SLC25A25: variants seen among roughly 807,000 people sequenced by gnomAD.
The protein encoded by SLC25A25 is solute carrier family 25 member 25, also known as mitochondrial adenyl nucleotide antiporter SLC25A25.
Under a neutral mutation model 57.7 loss-of-function variants are expected in SLC25A25, and 32 were observed. The ratio of observed to expected loss-of-function variants is 0.55; its 90% CI spans 0.42 to 0.74. SLC25A25 has a LOEUF of 0.74. Among genes scored for constraint, SLC25A25 ranks in the 30% least tolerant of loss-of-function variants. The pLI, the probability that SLC25A25 is intolerant of heterozygous loss-of-function variation, is 0.00. For missense variants in SLC25A25, 556 were observed against 701.3 expected, an observed-to-expected ratio of 0.79 and a Z score of 2.34; for synonymous variants, 306 against 291.2, an observed-to-expected ratio of 1.05 and a Z score of -0.52.
At chr9:128,087,076 A>G (rs1833292730) in intron 1 of SLC25A25, among the ~76,000 whole-genome samples, 1 of 151,810 alleles carries the variant, frequency 6.6e-6, no homozygotes, top group African/African-American at 2.4e-5. Flanking sequence ...TTAGCTGGGT[A>G]TGGTGGCGGG....
chr9:128,086,361 T>C (rs1833275204), intron 1 of SLC25A25, among the ~76,000 whole-genome samples: 2 of 143,038 alleles, frequency 1.4e-5, no homozygotes, highest in Non-Finnish European at 1.5e-5. Flanking sequence ...GAGACAGAGT[T>C]TTGCCCTTGT....
rs771156426 is a variant in SLC25A25, at chr9:128,107,100, C to G, written c.1284C>G (p.Ala428=). Reference sequence around the variant, plus strand: ...ACCCCGGCGTGTTTGTGCTCCTGGCCTGTGGCACCATGTCCAGTACCTGTG... The same window carrying G: ...ACCCCGGCGTGTTTGTGCTCCTGGCGTGTGGCACCATGTCCAGTACCTGTG... ...SADPGVFVLL[A]CGTMSSTCGQ... is the part of the protein sequence containing the mutation. The change falls in exon 10 of 11, where the codon GCC becomes GCG. Residue 428 remains alanine, a synonymous_variant. Transcript: ENST00000373069. 1 of 1,614,130 alleles carries G rather than the reference C, an allele frequency of 6.2e-7. No individual in the cohort carries two copies. Among genetic ancestry groups the G allele is most frequent in the South Asian group, 1.1e-5 (1 of 91,090 alleles).
chr9:128,105,587 A>G, intron 6 of SLC25A25, 142 bp from the exon 7 acceptor site: 1 of 1,270,488 alleles, frequency 7.9e-7, no homozygotes, highest in East Asian at 2.4e-5. Flanking sequence ...CTTTGGGCTC[A>G]TGATTCCAAG....
rs1394276396 is a variant in SLC25A25, at chr9:128,099,557, C to T, written c.262-1539C>T. Among the ~76,000 whole-genome samples, 1 of 152,232 alleles carries T rather than the reference C, an allele frequency of 6.6e-6. No homozygotes were observed. The highest frequency in any genetic ancestry group is 1.9e-4 in the East Asian group (1 of 5,198). On this transcript the variant is annotated intron_variant, in intron 1 of 10. Transcript: ENST00000373069. This position sits in a 1 kb window ranked among gnomAD's most constrained non-coding sequence, Gnocchi z 6.8. ...ATTCCTGTTAGAGATTTGGAGCAGT[C>T]ACCCTATAGGTGATTTATGTCACTC...
rs570424608 is a variant in SLC25A25 at position 128,103,443 on chromosome 9, C to T, written c.625-238C>T. On this transcript the variant is annotated intron_variant, in intron 5 of 10. Transcript: ENST00000373069. This position sits in a 1 kb window ranked among gnomAD's most constrained non-coding sequence, Gnocchi z 6.7. ...GAATGGTTTTCTAACCGGCACCTCC[C>T]GGCTGTGTTCAGCTGAGGTTCTATA... Among the ~76,000 whole-genome samples, 6 of 152,316 alleles carry T rather than the reference C, an allele frequency of 3.9e-5. No individual in the cohort carries two copies. In the South Asian group the frequency reaches 8.3e-4, roughly 21 times the overall value.
Position 128,101,285 on chromosome 9 carries a change from T to C in SLC25A25, c.389-24T>C. 3.1e-6 allele frequency: 5 copies of C among 1,614,220 alleles called. No homozygotes were observed. The highest frequency in any genetic ancestry group is 3.4e-6 in the Non-Finnish European group (4 of 1,180,014). ...CGGGCCTCCCCGTGCGCCTGGCTCC[T>C]GCTCACGGCCTCTGTTCTTGCAGGA... On this transcript the variant is annotated intron_variant, in intron 2 of 10. Coordinates refer to ENST00000373069, the MANE Select transcript of SLC25A25 (RefSeq NM_001330988.2). The surrounding 1 kb of genome is among the most constrained non-coding windows in gnomAD (Gnocchi z 4.9).
Position 128,102,395 on chromosome 9 carries a change from A to T in SLC25A25, c.538A>T (p.Ile180Phe). The stretch of plus-strand genomic sequence containing the variant: ...CATGGATAAAAACGGCACGATGACC[A>T]TTGACTGGAACGAGTGGAGAGACTA... ...TYMDKNGTMT[I>F]DWNEWRDYHL... Residue 180 changes from isoleucine to phenylalanine, a missense_variant, in exon 5 of 11, where the codon ATT becomes TTT. Physicochemically the swap from Ile to Phe is conservative, Grantham distance 21. This residue lies in a region of SLC25A25 where 248 missense variants were observed against 273.5 expected (regional missense o/e 0.91). Transcript: ENST00000373069. The surrounding 1 kb of genome is among the most constrained non-coding windows in gnomAD (Gnocchi z 4.1). The T allele has an allele frequency of 6.2e-7, 1 of 1,613,972 alleles. No homozygotes were observed. Among genetic ancestry groups the T allele is most frequent in the Non-Finnish European group, 8.5e-7 (1 of 1,179,958 alleles).
chr9:128,106,674 T>C (rs1834053818), intron 9 of SLC25A25, among the ~76,000 whole-genome samples, 154 bp downstream of exon 9: 1 of 152,148 alleles, frequency 6.6e-6, no homozygotes, highest in African/African-American at 2.4e-5. Flanking sequence ...TCCTTCACCC[T>C]GCCTGCCCCT....
chr9:128,069,943 A>T (rs1395607183), intron 1 of SLC25A25, among the ~76,000 whole-genome samples: 2 of 92,132 alleles, frequency 2.2e-5, no homozygotes, highest in African/African-American at 4.5e-5. Flanking sequence ...TTTTTGAGAG[A>T]GTCTCACTCT....
chr9:128,104,441 G>A (rs1014587151), intron 6 of SLC25A25, among the ~76,000 whole-genome samples: 9 of 152,288 alleles, frequency 5.9e-5, no homozygotes, highest in South Asian at 4.1e-4. Flanking sequence ...TCCCTGTGTT[G>A]CACAGAGACA....
chr9:128,102,234 C>T lies in SLC25A25; in HGVS notation c.512+119C>T. The T allele has an allele frequency of 2.1e-6, 3 of 1,414,352 alleles. No homozygotes were observed. The highest frequency in any genetic ancestry group is 2.9e-6 in the Non-Finnish European group (3 of 1,022,136). The allele number at this position is 1,414,352 out of a possible 1,614,324, so 87.6% of individuals were successfully genotyped here. A position where few individuals can be genotyped will look rare whatever the true frequency, so the allele number is the denominator to read the frequency against. On this transcript the variant is annotated intron_variant, in intron 4 of 10. Coordinates refer to ENST00000373069, the MANE Select transcript of SLC25A25 (RefSeq NM_001330988.2). The surrounding 1 kb of genome is among the most constrained non-coding windows in gnomAD (Gnocchi z 4.1). Reference sequence around the variant, plus strand: ...TAAGTGGGGTGTGGAGCCCCCTGCTCTTTCTCCTGGGGGCAGAGGCACCTC... The same window carrying T: ...TAAGTGGGGTGTGGAGCCCCCTGCTTTTTCTCCTGGGGGCAGAGGCACCTC...
At chr9:128,096,312 C>G (rs1165788272) in intron 1 of SLC25A25, among the ~76,000 whole-genome samples, 2 of 152,278 alleles carry the variant, frequency 1.3e-5, no homozygotes, top group Admixed American at 6.5e-5. Context: ...AGTTGGAGAC[C>G]AGCCTGGCCA....
At chr9:128,072,518 A>G (rs948243575) in intron 1 of SLC25A25, among the ~76,000 whole-genome samples, 14 of 152,216 alleles carry the variant, frequency 9.2e-5, no homozygotes, top group African/African-American at 2.9e-4. Context: ...AGCTTATAAC[A>G]GTCTGGGTCA....
intron 1 of SLC25A25, among the ~76,000 whole-genome samples, chr9:128,083,774 T>A (rs972393775): frequency 3.3e-5 from 5 of 151,680 alleles, no homozygotes; most frequent in African/African-American, 1.2e-4. Flanking sequence ...CGCCTCGGCC[T>A]CCCAAAGTGC....
In SLC25A25 at chr9:128,101,517, GATGA is replaced by G. The variant is rs1325437594; in HGVS notation, c.476+124_476+127del. ...ACTTGGCCTTCTCGTGGTTTGAAAG[GATGA>G]ATAAGTAACCCCTGTGGGAGGCCAG... On this transcript the variant is annotated intron_variant, in intron 3 of 10. Coordinates refer to ENST00000373069, the MANE Select transcript of SLC25A25 (RefSeq NM_001330988.2). This position sits in a 1 kb window ranked among gnomAD's most constrained non-coding sequence, Gnocchi z 4.9. 1 of 1,109,496 alleles carries G rather than the reference GATGA, an allele frequency of 9.0e-7. No homozygotes were observed. The highest frequency in any genetic ancestry group is 1.3e-6 in the Non-Finnish European group (1 of 769,066). The allele number at this position is 1,109,496 out of a possible 1,614,324, so 68.7% of individuals were successfully genotyped here.
At chr9:128,080,175 G>A (rs1438309212) in intron 1 of SLC25A25, among the ~76,000 whole-genome samples, 1 of 150,850 alleles carries the variant, frequency 6.6e-6, no homozygotes, top group Non-Finnish European at 1.5e-5. Context: ...AGGTTGCAGT[G>A]AGCCGAGATC....
At chr9:128,107,222 C>T (rs148031706) in intron 10 of SLC25A25, 38 bp from the exon 11 acceptor site, 60 of 1,611,668 alleles carry the variant, frequency 3.7e-5, no homozygotes, top group South Asian at 1.4e-4. Context: ...TCGGGGGGAG[C>T]GGACAGAAGC....
At chr9:128,070,397 C>T (rs969639010) in intron 1 of SLC25A25, among the ~76,000 whole-genome samples, 3 of 148,662 alleles carry the variant, frequency 2.0e-5, no homozygotes, top group African/African-American at 7.4e-5. Flanking sequence ...CGCGCCCGGC[C>T]ACCCAGCTAA....
At chr9:128,078,679 T>C (rs1833072368) in intron 1 of SLC25A25, among the ~76,000 whole-genome samples, 1 of 152,168 alleles carries the variant, frequency 6.6e-6, no homozygotes, top group Non-Finnish European at 1.5e-5. Context: ...CTTGAAGTTG[T>C]GAAAGTGGAA....
Sources: allele counts gnomAD v4.1 joint callset (sites outside exome capture counted in the v4.1 genomes callset), GRCh38; gene constraint gnomAD v4.1.1; regional missense constraint gnomAD v4.1.1; non-coding constraint Gnocchi (gnomAD v3.1); transcripts MANE v1.5; gene names NCBI Gene and HGNC (gene_info 2026-07-23, HGNC 2026-07-21).